NPAS2: variants seen among roughly 807,000 people sequenced by gnomAD.
The protein encoded by NPAS2 is neuronal PAS domain-containing protein 2.
In NPAS2, 23 loss-of-function variants were observed where a neutral mutation model predicts 107.5. The ratio of observed to expected loss-of-function variants is 0.21; its 90% CI spans 0.15 to 0.30. The LOEUF (loss-of-function observed/expected upper bound fraction) is 0.30, where lower values mean the gene tolerates loss of function less well. Ranked by LOEUF, NPAS2 falls within the 10% of genes least tolerant of loss-of-function variation. The probability of loss-of-function intolerance (pLI) is 1.00; values close to 1 mark genes in which losing one functional copy is unlikely to be tolerated. For missense variants in NPAS2, 756 were observed against 1,043.3 expected, an observed-to-expected ratio of 0.72 and a Z score of 3.79; for synonymous variants, 403 against 417.5, an observed-to-expected ratio of 0.97 and a Z score of 0.42.
intron 1 of NPAS2, chr2:100,823,610 T>C (rs1028904583): frequency 6.6e-6 from 1 of 152,252 alleles, no homozygotes; most frequent in Non-Finnish European, 1.5e-5. Context: ...AGCTACCAGA[T>C]GCTGCACGCT....
chr2:100,974,674 G>A (rs1424892152), intron 12 of NPAS2, 129 bp from the exon 13 acceptor site: 11 of 1,008,056 alleles, frequency 1.1e-5, no homozygotes, highest in South Asian at 3.3e-5. Flanking sequence ...CTTTGGAATC[G>A]TCCCCAAACA....
chr2:100,873,303 T>TACACACACACACAC (rs1553447436), intron 1 of NPAS2, among the ~76,000 whole-genome samples: 1 of 45,976 alleles, frequency 2.2e-5, no homozygotes, highest in East Asian at 4.8e-4. Context: ...TATATATATA[T>TACACACACACACAC]ATATACACAC....
chr2:100,897,932 C>T lies in NPAS2; in HGVS notation c.-22-6801C>T, dbSNP rs959617170. Among the ~76,000 whole-genome samples, 10 of 152,316 alleles carry T rather than the reference C, an allele frequency of 6.6e-5. 1 individual carries two copies. The highest frequency in any genetic ancestry group is 3.9e-4 in the Admixed American group (6 of 15,310). On this transcript the variant is annotated intron_variant, in intron 1 of 20. Transcript: ENST00000335681. ...TGGCACATTTGTGCTTTGGCATATA[C>T]ATTCTCCTGCCTCATCACAGAGCCC...
At chr2:100,985,491 G>A (rs949346723) in intron 16 of NPAS2, 2 of 152,256 alleles carry the variant, frequency 1.3e-5, no homozygotes, top group South Asian at 2.1e-4. Flanking sequence ...TGCTGTTACA[G>A]TCTGTTACAT....
chr2:100,890,036 G>C (rs373169906), intron 1 of NPAS2, among the ~76,000 whole-genome samples: 1 of 152,110 alleles, frequency 6.6e-6, no homozygotes, highest in Middle Eastern at 3.2e-3. Flanking sequence ...TCCTGGCAGC[G>C]TGCAGTGGTG....
intron 3 of NPAS2, 36 bp from the exon 4 acceptor site, chr2:100,932,874 A>G (rs1684050466): frequency 7.0e-7 from 1 of 1,430,388 alleles, no homozygotes. Context: ...TCTAGGTGCC[A>G]TTGAATATAA....
intron 3 of NPAS2, among the ~76,000 whole-genome samples, chr2:100,930,817 A>G (rs1051237284): frequency 6.6e-6 from 1 of 152,196 alleles, no homozygotes; most frequent in Non-Finnish European, 1.5e-5. Flanking sequence ...ATTAAGTTGA[A>G]TGGATCTCTA....
chr2:100,985,433 G>C (rs1677725006), intron 16 of NPAS2: 1 of 152,240 alleles, frequency 6.6e-6, no homozygotes, highest in Non-Finnish European at 1.5e-5. Flanking sequence ...ACAGGGCAGG[G>C]TTTCTACTGT....
intron 1 of NPAS2, among the ~76,000 whole-genome samples, chr2:100,883,913 GC>G (rs1418110124): frequency 6.6e-6 from 1 of 152,032 alleles, no homozygotes; most frequent in East Asian, 1.9e-4. Context: ...TTAGGCCCCA[GC>G]CCACACAGAG....
intron 1 of NPAS2, among the ~76,000 whole-genome samples, chr2:100,876,427 C>T (rs1405359582): frequency 6.6e-6 from 1 of 152,328 alleles, no homozygotes; most frequent in African/African-American, 2.4e-5. Flanking sequence ...TTCAGGAGAA[C>T]GTAGAACGAG....
At chr2:100,944,089 G>A (rs1008696643) in intron 5 of NPAS2, among the ~76,000 whole-genome samples, 4 of 152,136 alleles carry the variant, frequency 2.6e-5, no homozygotes, top group Admixed American at 6.5e-5. Context: ...CCATATGGCC[G>A]TTAGTTTGAC....
At chr2:100,869,056 G>A (rs1392493100) in intron 1 of NPAS2, among the ~76,000 whole-genome samples, 2 of 151,866 alleles carry the variant, frequency 1.3e-5, no homozygotes, top group Non-Finnish European at 2.9e-5. Context: ...AGCCTCCTGA[G>A]TAGCTAGGAT....
intron 19 of NPAS2, among the ~76,000 whole-genome samples, chr2:100,992,770 G>A (rs1678208669): frequency 6.6e-6 from 1 of 152,126 alleles, no homozygotes; most frequent in Non-Finnish European, 1.5e-5. Context: ...TTTTGATTGG[G>A]TTGTGTGGGT....
chr2:100,879,840 A>G (rs1159376045), intron 1 of NPAS2, among the ~76,000 whole-genome samples: 2 of 152,242 alleles, frequency 1.3e-5, no homozygotes, highest in Non-Finnish European at 2.9e-5. Context: ...TCAAGGAGAG[A>G]GGCTCCGAAT....
Position 100,854,489 on chromosome 2 carries a change from T to C in NPAS2, c.-23+34075T>C, listed in dbSNP as rs144143728. Among the ~76,000 whole-genome samples, 337 of 152,258 alleles carry C rather than the reference T, an allele frequency of 2.2e-3. 1 individual carries two copies. Among genetic ancestry groups the C allele is most frequent in the African/African-American group, 7.8e-3 (326 of 41,558 alleles). On this transcript the variant is annotated intron_variant, in intron 1 of 20. Transcript: ENST00000335681. ...AGACTATGACTCTAGATCTCTATGA[T>C]AGGGAGAGACCTAGACTCTACCCCA...
intron 3 of NPAS2, among the ~76,000 whole-genome samples, chr2:100,927,607 C>A (rs1683666620): frequency 1.3e-5 from 2 of 152,236 alleles, no homozygotes; most frequent in African/African-American, 2.4e-5. Flanking sequence ...TCAGATGGAA[C>A]CATGAATTAT....
At chr2:100,894,799 T>C (rs1254509744) in intron 1 of NPAS2, among the ~76,000 whole-genome samples, 1 of 152,170 alleles carries the variant, frequency 6.6e-6, no homozygotes, top group Non-Finnish European at 1.5e-5. Flanking sequence ...TGCTGGGTGC[T>C]GATCACAAGC....
intron 1 of NPAS2, among the ~76,000 whole-genome samples, chr2:100,855,606 A>G (rs555316627): frequency 5.9e-5 from 9 of 152,358 alleles, no homozygotes; most frequent in Non-Finnish European, 1.2e-4. Flanking sequence ...AGCCTAATCA[A>G]AATGGCAGCT....
rs955068867 is a variant in NPAS2, at chr2:100,965,169, A to G, written c.800+226A>G. On this transcript the variant is annotated intron_variant, in intron 9 of 20. Transcript: ENST00000335681. The surrounding 1 kb of genome is among the most constrained non-coding windows in gnomAD (Gnocchi z 4.3). The stretch of plus-strand genomic sequence containing the variant: ...GGGTCTGATGGCTCAGCCCCGGGCC[A>G]TCTTTGGGATGATCCTCACTTGAGG... Among the ~76,000 whole-genome samples, 1 of 152,222 alleles carries G rather than the reference A, an allele frequency of 6.6e-6. No homozygotes were observed. Among genetic ancestry groups the G allele is most frequent in the Non-Finnish European group, 1.5e-5 (1 of 68,044 alleles).
Sources: gnomAD v4.1 joint callset for allele counts (sites outside exome capture counted in the v4.1 genomes callset) on GRCh38, gnomAD v4.1.1 for gene constraint, Gnocchi (gnomAD v3.1) non-coding constraint, MANE v1.5 for transcripts, NCBI Gene and HGNC (gene_info 2026-07-23, HGNC 2026-07-21) for gene names.